Variants in GLIS3 observed in about 807,000 individuals in gnomAD.
The protein encoded by GLIS3 is GLIS family zinc finger 3.
Under a neutral mutation model 78.6 loss-of-function variants are expected in GLIS3, and 53 were observed. The observed-to-expected ratio is 0.67, with a 90% CI of 0.54 to 0.85. GLIS3 has a LOEUF of 0.85. Among genes scored for constraint, GLIS3 ranks in the 40% least tolerant of loss-of-function variants. GLIS3 has a pLI of 0.00. For missense variants in GLIS3, 1,703 were observed against 1,231.1 expected (o/e 1.38, Z -5.74); for synonymous variants, 684 against 509.9 (o/e 1.34, Z -4.60).
chr9:3,862,714 G>T (rs183852871), intron 8 of GLIS3, among the ~76,000 whole-genome samples: 71 of 152,264 alleles, frequency 4.7e-4, no homozygotes, highest in African/African-American at 1.7e-3. Flanking sequence ...CGATCAACTA[G>T]ATTAAAAGGC....
chr9:4,096,287 G>A (rs1237373025), intron 4 of GLIS3, among the ~76,000 whole-genome samples: 1 of 152,116 alleles, frequency 6.6e-6, no homozygotes, highest in African/African-American at 2.4e-5. Flanking sequence ...TGGGTGTTTG[G>A]TTCTTTTTTC....
chr9:4,325,584 C>T (rs570421652), intron 2 of GLIS3, among the ~76,000 whole-genome samples: 2 of 152,278 alleles, frequency 1.3e-5, no homozygotes, highest in South Asian at 2.1e-4. Flanking sequence ...TACTAATAAC[C>T]TCCAGGATGC....
chr9:3,991,837 C>A (rs1424429016), intron 4 of GLIS3, among the ~76,000 whole-genome samples: 1 of 151,888 alleles, frequency 6.6e-6, no homozygotes, highest in Non-Finnish European at 1.5e-5. Flanking sequence ...ACTACAGGCG[C>A]CTGCAACCAT....
At chr9:4,380,264 AAT>A in the GLIS3 span, among the ~76,000 whole-genome samples, 1 of 152,178 alleles carries the variant, frequency 6.6e-6, no homozygotes, top group Non-Finnish European at 1.5e-5. Flanking sequence ...TTCTTTTTTA[AAT>A]AACTCTCTGC....
chr9:3,835,892 C>T (rs1818321880), intron 9 of GLIS3, among the ~76,000 whole-genome samples: 1 of 152,170 alleles, frequency 6.6e-6, no homozygotes, highest in African/African-American at 2.4e-5. Flanking sequence ...CACTCCATGC[C>T]TTTTTGGAGC....
chr9:3,935,826 A>G (rs1262132363), intron 5 of GLIS3, among the ~76,000 whole-genome samples: 1 of 152,206 alleles, frequency 6.6e-6, no homozygotes, highest in African/African-American at 2.4e-5. Context: ...CAGGTAGAGT[A>G]GAAACTGGGT....
At chr9:4,267,377 C>T (rs917169961) in intron 2 of GLIS3, among the ~76,000 whole-genome samples, 1 of 152,148 alleles carries the variant, frequency 6.6e-6, no homozygotes, top group Admixed American at 6.5e-5. Flanking sequence ...CCTCTCATGG[C>T]TAAATCTTGA....
chr9:4,227,216 A>C (rs544686457), intron 2 of GLIS3, among the ~76,000 whole-genome samples: 3 of 151,834 alleles, frequency 2.0e-5, no homozygotes, highest in Admixed American at 2.0e-4. Flanking sequence ...TGGGTGTTCC[A>C]TCCTGAGGCA....
At chr9:4,356,568 C>A in the GLIS3 span, among the ~76,000 whole-genome samples, 1 of 152,192 alleles carries the variant, frequency 6.6e-6, no homozygotes, top group Non-Finnish European at 1.5e-5. Flanking sequence ...AATGCTATTT[C>A]TCACGGTAGG....
chr9:4,467,654 G>A, the GLIS3 span, among the ~76,000 whole-genome samples: 72 of 152,142 alleles, frequency 4.7e-4, no homozygotes, highest in Non-Finnish European at 6.8e-4. Context: ...AAAGAACAAA[G>A]GTAGATAAAA....
intron 4 of GLIS3, among the ~76,000 whole-genome samples, chr9:4,003,129 C>G (rs1211967205): frequency 6.6e-6 from 1 of 152,086 alleles, no homozygotes; most frequent in Non-Finnish European, 1.5e-5. Context: ...CCTGTAATCC[C>G]AGTACTTTAG....
intron 4 of GLIS3, among the ~76,000 whole-genome samples, chr9:4,095,234 T>G (rs1237215608): frequency 6.6e-6 from 1 of 152,166 alleles, no homozygotes; most frequent in Non-Finnish European, 1.5e-5. Context: ...GTACACATCC[T>G]TTGAACTAGC....
At chr9:4,480,288 T>G in the GLIS3 span, among the ~76,000 whole-genome samples, 1 of 149,984 alleles carries the variant, frequency 6.7e-6, no homozygotes, top group Admixed American at 6.7e-5. Context: ...CACTGCAGTC[T>G]AGACTACCCA....
intron 3 of GLIS3, among the ~76,000 whole-genome samples, chr9:4,125,315 G>C (rs148446534): frequency 2.4e-4 from 36 of 152,288 alleles, no homozygotes; most frequent in African/African-American, 7.7e-4. Flanking sequence ...AGATGGACAA[G>C]ACAGATTGTT....
chr9:4,054,812 G>A (rs563521179), intron 4 of GLIS3, among the ~76,000 whole-genome samples: 1 of 151,644 alleles, frequency 6.6e-6, no homozygotes, highest in Admixed American at 6.6e-5. Context: ...CAAAACACTT[G>A]AGAAACTGTC....
chr9:4,371,100 GA>G, the GLIS3 span, among the ~76,000 whole-genome samples: 5 of 152,018 alleles, frequency 3.3e-5, no homozygotes, highest in African/African-American at 4.8e-5. Context: ...TTTGTAATAA[GA>G]AAAAAATATA....
the GLIS3 span, among the ~76,000 whole-genome samples, chr9:4,384,647 T>G: frequency 2.6e-5 from 4 of 151,942 alleles, no homozygotes; most frequent in African/African-American, 4.8e-5. Flanking sequence ...ACCCACTGCC[T>G]TATCCCTAAC....
At chr9:4,140,546 G>T (rs541861002) in intron 2 of GLIS3, among the ~76,000 whole-genome samples, 50 of 152,256 alleles carry the variant, frequency 3.3e-4, no homozygotes, top group African/African-American at 1.0e-3. Context: ...GCATTAAAAT[G>T]AAGTCACCCC....
At chr9:4,006,317 A>G (rs1020344224) in intron 4 of GLIS3, among the ~76,000 whole-genome samples, 1 of 151,546 alleles carries the variant, frequency 6.6e-6, no homozygotes, top group Non-Finnish European at 1.5e-5. Flanking sequence ...AAAAAAAAAA[A>G]AAAAAAAAAA....
Sources: allele counts gnomAD v4.1 joint callset (sites outside exome capture counted in the v4.1 genomes callset), GRCh38; gene constraint gnomAD v4.1.1; transcripts MANE v1.5; gene names NCBI Gene and HGNC (gene_info 2026-07-23, HGNC 2026-07-21).